Variants in IGDCC3 observed in about 807,000 individuals in gnomAD.
The protein encoded by IGDCC3 is immunoglobulin superfamily DCC subclass member 3.
A neutral mutation model predicts 72.0 loss-of-function variants in IGDCC3; 47 were observed. The observed-to-expected ratio is 0.65, with a 90% CI of 0.52 to 0.83. The LOEUF (loss-of-function observed/expected upper bound fraction) is 0.83, where lower values mean the gene tolerates loss of function less well. Ranked by LOEUF, IGDCC3 falls within the 40% of genes least tolerant of loss-of-function variation. The pLI, the probability that IGDCC3 is intolerant of heterozygous loss-of-function variation, is 0.00. For missense variants in IGDCC3, 1,038 were observed against 1,091.3 expected, an observed-to-expected ratio of 0.95 and a Z score of 0.69; for synonymous variants, 477 against 472.8, an observed-to-expected ratio of 1.01 and a Z score of -0.11.
chr15:65,331,318 A>C (rs1302142244), intron 8 of IGDCC3, 94 bp downstream of exon 8: 2 of 1,564,748 alleles, frequency 1.3e-6, no homozygotes, highest in Non-Finnish European at 1.7e-6. Context: ...CAGCGGGGAG[A>C]AGGAAAGGGA....
At position 65,335,198 on chromosome 15, in the gene IGDCC3, C is replaced by A. The variant is rs62014998; in HGVS notation, c.685+93G>T. ...CTCTGCACGCACGTGGCTGAGAAGGCTGCAGAGGCCAGCTGAAGGGGGTTG... is the reference window on the plus strand; with the variant it reads ...CTCTGCACGCACGTGGCTGAGAAGGATGCAGAGGCCAGCTGAAGGGGGTTG... On this transcript the variant is annotated intron_variant, in intron 4 of 13. Coordinates refer to ENST00000327987, the MANE Select transcript of IGDCC3 (RefSeq NM_004884.4). The A allele has an allele frequency of 2.9e-6, 4 of 1,388,742 alleles. No individual in the cohort carries two copies. The Admixed American group carries it at 6.4e-5, about 22-fold the overall frequency. 86.0% of individuals were successfully genotyped at this position (1,388,742 alleles called of 1,614,324 possible).
At position 65,328,689 on chromosome 15, in the gene IGDCC3, G is replaced by A; in HGVS notation, c.*220C>T. On this transcript the variant is annotated 3_prime_UTR_variant, in exon 14 of 14. Transcript: ENST00000327987. ...GCAAGGGGGCGTCAGCCCAGGGAAG[G>A]AACAGGCTCCTGCAGGAACTGCTCC... 2.3e-6 allele frequency: 1 copy of A among 428,614 alleles called. No homozygotes were observed. The highest frequency in any genetic ancestry group is 4.0e-6 in the Non-Finnish European group (1 of 251,610). The allele number at this position is 428,614 out of a possible 1,614,324, so 26.6% of individuals were successfully genotyped here. A position where few individuals can be genotyped will look rare whatever the true frequency, so the allele number is the denominator to read the frequency against.
At chr15:65,352,200 C>T (rs1007201756) in intron 2 of IGDCC3, among the ~76,000 whole-genome samples, 1 of 152,126 alleles carries the variant, frequency 6.6e-6, no homozygotes, top group Non-Finnish European at 1.5e-5. Context: ...TTTTTTTGAG[C>T]TATTTGCAGC....
Position 65,331,124 on chromosome 15 carries a change from A to T in IGDCC3, c.1487T>A (p.Phe496Tyr). ...SDLEPSTAYS[F>Y]YIKAYTPRGA... ...CCTTGGTGTGTAGGCCTTGATGTAGAAACTGTAGGCTGTGGAGGGCTCCAG... is the reference window on the plus strand; with the variant it reads ...CCTTGGTGTGTAGGCCTTGATGTAGTAACTGTAGGCTGTGGAGGGCTCCAG... Residue 496 changes from phenylalanine (F) to tyrosine (Y), a missense_variant, in exon 9 of 14, where the codon TTC (phenylalanine) becomes TAC (tyrosine). Phe to Tyr is a conservative substitution (Grantham distance 22, BLOSUM62 3). Transcript: ENST00000327987. 1 of 1,614,060 alleles carries T rather than the reference A, an allele frequency of 6.2e-7. No individual in the cohort carries two copies. The highest frequency in any genetic ancestry group is 1.1e-5 in the South Asian group (1 of 91,080).
chr15:65,329,976 T>A lies in IGDCC3; in HGVS notation c.1859-112A>T. On this transcript the variant is annotated intron_variant, in intron 11 of 13. Transcript: ENST00000327987. This position sits in a 1 kb window ranked among gnomAD's most constrained non-coding sequence, Gnocchi z 4.1. ...AGCTGCTCCCACTCCCAAGTGGGAG[T>A]GGGAACATCCTTTGACTTTGCCTAC... The A allele has an allele frequency of 1.7e-6, 2 of 1,180,868 alleles. No homozygotes were observed. Among genetic ancestry groups the A allele is most frequent in the Non-Finnish European group, 2.4e-6 (2 of 817,606 alleles). The allele number at this position is 1,180,868 out of a possible 1,614,324, so 73.1% of individuals were successfully genotyped here.
intron 2 of IGDCC3, among the ~76,000 whole-genome samples, chr15:65,372,308 A>C (rs1352286182): frequency 6.6e-6 from 1 of 152,170 alleles, no homozygotes; most frequent in Non-Finnish European, 1.5e-5. Flanking sequence ...CGTCCTTAAC[A>C]AGTCTCAATT....
At chr15:65,341,050 C>T (rs992508015) in intron 2 of IGDCC3, among the ~76,000 whole-genome samples, 2 of 152,106 alleles carry the variant, frequency 1.3e-5, no homozygotes, top group Admixed American at 6.5e-5. Flanking sequence ...ATATAGTGGC[C>T]AGCTATTAAG....
At chr15:65,347,547 T>C (rs796642393) in intron 2 of IGDCC3, among the ~76,000 whole-genome samples, 14 of 152,346 alleles carry the variant, frequency 9.2e-5, no homozygotes, top group African/African-American at 3.4e-4. Context: ...TGAAATCTAC[T>C]GGGCTGCATT....
At chr15:65,370,580 A>ATAGATG in intron 2 of IGDCC3, among the ~76,000 whole-genome samples, 1 of 130,472 alleles carries the variant, frequency 7.7e-6, no homozygotes, top group African/African-American at 3.0e-5. Context: ...GTATGTATAT[A>ATAGATG]TATGTATGTA....
chr15:65,377,947 G>T lies in IGDCC3; in HGVS notation c.-159C>A, dbSNP rs1351198376. On this transcript the variant is annotated 5_prime_UTR_variant, in exon 1 of 14. Transcript: ENST00000327987. The surrounding 1 kb of genome is among the most constrained non-coding windows in gnomAD (Gnocchi z 4.9). ...GGCCGCATGCCTGCTCAGCAGCGCGGGGGGCGCAGGGGGAGCGCCGCTTGC... is the reference window on the plus strand; with the variant it reads ...GGCCGCATGCCTGCTCAGCAGCGCGTGGGGCGCAGGGGGAGCGCCGCTTGC... 8.6e-6 allele frequency: 5 copies of T among 582,894 alleles called. No individual in the cohort carries two copies. The highest frequency in any genetic ancestry group is 1.1e-5 in the Non-Finnish European group (5 of 457,426). 36.1% of individuals were successfully genotyped at this position (582,894 alleles called of 1,614,324 possible). A position where few individuals can be genotyped will look rare whatever the true frequency, so the allele number is the denominator to read the frequency against.
In IGDCC3 at chr15:65,333,543, C is replaced by T. The variant is rs1567061327; in HGVS notation, c.824-128G>A. 3 of 827,318 alleles carry T rather than the reference C, an allele frequency of 3.6e-6. No individual in the cohort carries two copies. In the East Asian group the frequency reaches 8.6e-5, roughly 24 times the overall value. The allele number at this position is 827,318 out of a possible 1,614,324, so 51.2% of individuals were successfully genotyped here. A position where few individuals can be genotyped will look rare whatever the true frequency, so the allele number is the denominator to read the frequency against. On this transcript the variant is annotated intron_variant, in intron 5 of 13. Transcript: ENST00000327987. ...AGGGAGCCCCAGTCTTTGACTCTGCCCCTTCCCTCCTAGGCACCTTAACAT... is the reference window on the plus strand; with the variant it reads ...AGGGAGCCCCAGTCTTTGACTCTGCTCCTTCCCTCCTAGGCACCTTAACAT...
intron 8 of IGDCC3, 79 bp from the exon 9 acceptor site, chr15:65,331,293 G>A: frequency 6.3e-7 from 1 of 1,575,434 alleles, no homozygotes; most frequent in East Asian, 2.2e-5. Context: ...AGGGCAGCCA[G>A]GGTGCCCGGG....
Position 65,345,011 on chromosome 15 carries a change from G to A in IGDCC3, c.410-9055C>T, listed in dbSNP as rs58884515. Among the ~76,000 whole-genome samples the A allele has an allele frequency of 6.5e-3, 989 of 152,262 alleles. 6 individuals are homozygous for A. Among genetic ancestry groups the A allele is most frequent in the African/African-American group, 0.023 (941 of 41,524 alleles). On this transcript the variant is annotated intron_variant, in intron 2 of 13. Transcript: ENST00000327987. ...GGTTTTCAAAAGCAGTCCCAGTTTC[G>A]AGTATTTGGCCCTGTTTTCATCCTA... is the stretch of plus-strand genomic sequence containing the variant.
chr15:65,345,663 G>C (rs1185813408), intron 2 of IGDCC3, among the ~76,000 whole-genome samples: 2 of 152,022 alleles, frequency 1.3e-5, no homozygotes, highest in Non-Finnish European at 2.9e-5. Context: ...AGAAACATCA[G>C]AAGGATGAAA....
chr15:65,345,995 G>A (rs529980046), intron 2 of IGDCC3, among the ~76,000 whole-genome samples: 6 of 152,290 alleles, frequency 3.9e-5, no homozygotes, highest in African/African-American at 1.4e-4. Flanking sequence ...ATGGGGCCTA[G>A]ACTCACCCAG....
chr15:65,338,184 C>T (rs2091047284), intron 2 of IGDCC3, among the ~76,000 whole-genome samples: 1 of 152,208 alleles, frequency 6.6e-6, no homozygotes, highest in Non-Finnish European at 1.5e-5. Flanking sequence ...GTGCGACTGA[C>T]TCCTAAGGGT....
chr15:65,333,446 G>A (rs2090997860), intron 5 of IGDCC3, 31 bp from the exon 6 acceptor site: 2 of 1,559,482 alleles, frequency 1.3e-6, no homozygotes, highest in African/African-American at 1.4e-5. Context: ...GGATGGGTGA[G>A]GGTCAGATAG....
rs1239663240 is a variant in IGDCC3 at position 65,330,291 on chromosome 15, A to G, written c.1858+2T>C. ...GCCCCGCACTCCATCCCCAGCCCTCACCTGTCCTCTCAGATGCTCCCCTCA... is the reference window on the plus strand; with the variant it reads ...GCCCCGCACTCCATCCCCAGCCCTCGCCTGTCCTCTCAGATGCTCCCCTCA... On this transcript the variant is annotated splice_donor_variant, in intron 11 of 13. Transcript: ENST00000327987. LOFTEE classifies it high-confidence loss of function. The G allele has an allele frequency of 1.9e-6, 3 of 1,608,336 alleles. No individual in the cohort carries two copies. The highest frequency in any genetic ancestry group is 2.6e-6 in the Non-Finnish European group (3 of 1,175,702).
intron 2 of IGDCC3, among the ~76,000 whole-genome samples, chr15:65,371,631 A>C (rs891541556): frequency 6.6e-6 from 1 of 152,222 alleles, no homozygotes; most frequent in African/African-American, 2.4e-5. Context: ...AAGGTTTGGG[A>C]AGTCCTGCAC....
Sources: allele counts gnomAD v4.1 joint callset (sites outside exome capture counted in the v4.1 genomes callset), GRCh38; gene constraint gnomAD v4.1.1; non-coding constraint Gnocchi (gnomAD v3.1); transcripts MANE v1.5; gene names NCBI Gene and HGNC (gene_info 2026-07-23, HGNC 2026-07-21).